The following DMD variants were observed in gnomAD, a reference collection of about 807,000 sequenced individuals.
DMD encodes the protein mutant dystrophin.
DMD carries 63 observed loss-of-function variants against 330.1 expected under a neutral mutation model. That is an observed-to-expected ratio of 0.19 (90% CI 0.16 to 0.24). The LOEUF (loss-of-function observed/expected upper bound fraction) is 0.24. DMD is among the 10% of genes least tolerant of loss of function. The pLI, the probability that DMD is intolerant of heterozygous loss-of-function variation, is 1.00. For missense variants in DMD, 3,344 were observed against 2,684.1 expected (o/e 1.25, Z -5.43); for synonymous variants, 1,223 against 959.8 (o/e 1.27, Z -5.07).
At chrX:31,524,214 T>C (rs1275542843) in intron 55 of DMD, among the ~76,000 whole-genome samples, 2 of 111,774 alleles carry the variant, frequency 1.8e-5, no homozygotes, top group Non-Finnish European at 3.8e-5. Flanking sequence ...GAGTGCCCCA[T>C]AATAATCTAG....
intron 55 of DMD, among the ~76,000 whole-genome samples, chrX:31,605,816 G>T (rs2077583338): frequency 8.9e-6 from 1 of 111,914 alleles, no homozygotes; most frequent in Non-Finnish European, 1.9e-5. Context: ...GAAGAGATTA[G>T]ATATTCTCTA....
In DMD at chrX:32,343,188, G is replaced by A; in HGVS notation, c.5685C>T (p.Asp1895=). 8.3e-7 allele frequency: 1 copy of A among 1,208,898 alleles called. No individual in the cohort carries two copies. The highest frequency in any genetic ancestry group is 1.1e-6 in the Non-Finnish European group (1 of 893,969). Residue 1895 remains aspartate (D), a synonymous_variant, in exon 40 of 79, where the codon GAC becomes GAT. Transcript: ENST00000357033. ...QADDLLKCLD[D]IEKKLASLPE... is the part of the protein sequence containing the mutation. ...GTAGGCTGGCTAATTTTTTTTCAAT[G>A]TCATCCAAGCATTTCAGGAGATCAT...
chrX:31,405,971 G>A (rs1018304548), intron 60 of DMD, among the ~76,000 whole-genome samples: 2 of 111,887 alleles, frequency 1.8e-5, no homozygotes, highest in Admixed American at 9.5e-5. Context: ...ATAGCTAGAC[G>A]TTGTCACAAA....
chrX:31,829,388 T>C (rs1320909579), intron 49 of DMD, among the ~76,000 whole-genome samples: 1 of 110,381 alleles, frequency 9.1e-6, no homozygotes, highest in Non-Finnish European at 1.9e-5. Context: ...TTATAAAAAA[T>C]AAGCAAAATA....
chrX:32,206,491 G>C, intron 44 of DMD: 1 of 569,022 alleles, frequency 1.8e-6, no homozygotes, highest in South Asian at 2.2e-5. Context: ...AATCGGAATG[G>C]AAAAGACTCA....
chrX:31,430,176 G>A (rs2063959356), intron 60 of DMD, among the ~76,000 whole-genome samples: 1 of 111,358 alleles, frequency 9.0e-6, no homozygotes, highest in African/African-American at 3.3e-5. Context: ...TATTCCCTTG[G>A]GTTGGGGCTT....
chrX:31,749,277 A>G (rs1316663887), intron 51 of DMD, among the ~76,000 whole-genome samples: 7 of 92,738 alleles, frequency 7.5e-5, no homozygotes, highest in African/African-American at 2.0e-4. Context: ...ATATCTCCCA[A>G]TGCCATCCCT....
intron 57 of DMD, among the ~76,000 whole-genome samples, chrX:31,496,227 G>T (rs773394569): frequency 9.0e-6 from 1 of 111,663 alleles, no homozygotes; most frequent in East Asian, 2.8e-4. Context: ...ACCAAAACCA[G>T]AAAAAGTTTA....
At chrX:32,846,322 A>G (rs2080662820) in intron 3 of DMD, among the ~76,000 whole-genome samples, 1 of 111,688 alleles carries the variant, frequency 9.0e-6, no homozygotes, top group Non-Finnish European at 1.9e-5. Flanking sequence ...CCAGTCTTGC[A>G]AATTTATTTC....
At chrX:32,230,417 T>C (rs2097165016) in intron 43 of DMD, among the ~76,000 whole-genome samples, 1 of 111,170 alleles carries the variant, frequency 9.0e-6, no homozygotes, top group Admixed American at 9.6e-5. Flanking sequence ...GCTAATTTTT[T>C]GTATTTTTTA....
rs1388324220 is a variant in DMD, at chrX:32,252,755, AATATATAAATATATATAAAT to A, written c.6290+34754_6290+34773del. On this transcript the variant is annotated intron_variant, in intron 43 of 78. Coordinates refer to ENST00000357033, the MANE Select transcript of DMD (RefSeq NM_004006.3). The stretch of plus-strand genomic sequence containing the variant: ...ATAAATATATATATAAATATATATA[AATATATAAATATATATAAAT>A]ATATATAAATATATATAAATATATA... Among the ~76,000 whole-genome samples the A allele has an allele frequency of 2.2e-3, 71 of 32,550 alleles. 2 individuals carry two copies. The highest frequency in any genetic ancestry group is 0.016 in the East Asian group (18 of 1,129). 28.3% of individuals were successfully genotyped at this position (32,550 alleles called of 115,157 possible). A position where few individuals can be genotyped will look rare whatever the true frequency, so the allele number is the denominator to read the frequency against.
At chrX:32,701,451 T>C (rs914984529) in intron 7 of DMD, among the ~76,000 whole-genome samples, 11 of 111,983 alleles carry the variant, frequency 9.8e-5, no homozygotes, top group African/African-American at 2.6e-4. Context: ...TTAATAATCT[T>C]ACAAACTTAG....
chrX:31,614,728 C>T, intron 55 of DMD, among the ~76,000 whole-genome samples: 1 of 111,893 alleles, frequency 8.9e-6, no homozygotes, highest in Non-Finnish European at 1.9e-5. Flanking sequence ...TGTGCAATAA[C>T]TTTTCTTTAA....
At chrX:31,562,799 T>G (rs1206427991) in intron 55 of DMD, among the ~76,000 whole-genome samples, 1 of 112,152 alleles carries the variant, frequency 8.9e-6, no homozygotes, top group Non-Finnish European at 1.9e-5. Flanking sequence ...TAACAAGGTA[T>G]ATTTTTTCCT....
intron 46 of DMD, among the ~76,000 whole-genome samples, chrX:31,930,452 T>C (rs2094839396): frequency 9.0e-6 from 1 of 111,083 alleles, no homozygotes; most frequent in South Asian, 3.8e-4. Flanking sequence ...CCACATAGTG[T>C]ATGCCCTTTC....
intron 53 of DMD, among the ~76,000 whole-genome samples, chrX:31,674,133 A>G (rs2081958013): frequency 8.9e-6 from 1 of 112,138 alleles, no homozygotes; most frequent in South Asian, 3.7e-4. Flanking sequence ...ACTCCAAAAA[A>G]TACACAAAAT....
intron 1 of DMD, among the ~76,000 whole-genome samples, chrX:33,262,978 T>C (rs2052983835): frequency 9.0e-6 from 1 of 110,516 alleles, no homozygotes; most frequent in South Asian, 3.8e-4. Flanking sequence ...AAATGAGATA[T>C]AATTTCATAC....
chrX:33,162,983 A>C (rs1175880601), intron 1 of DMD, among the ~76,000 whole-genome samples: 1 of 111,576 alleles, frequency 9.0e-6, no homozygotes, highest in Non-Finnish European at 1.9e-5. Flanking sequence ...TGACATTTTA[A>C]AATTCTCTAA....
At position 32,178,975 on chromosome X, in the gene DMD, T is replaced by C. The variant is rs866901907; in HGVS notation, c.6438+37941A>G. On this transcript the variant is annotated intron_variant, in intron 44 of 78. Coordinates refer to ENST00000357033, the MANE Select transcript of DMD (RefSeq NM_004006.3). ...CTCTCTCTCTCTCTCTCTCTCTCTC[T>C]CTCTCTCCCTCTCCTCCTGCTCCTC... Among the ~76,000 whole-genome samples, 105 of 97,671 alleles carry C rather than the reference T, an allele frequency of 1.1e-3. 1 individual carries two copies. Among genetic ancestry groups the C allele is most frequent in the Middle Eastern group, 5.3e-3 (1 of 188 alleles). The allele number at this position is 97,671 out of a possible 115,157, so 84.8% of individuals were successfully genotyped here. A position where few individuals can be genotyped will look rare whatever the true frequency, so the allele number is the denominator to read the frequency against.
Sources: gnomAD v4.1 joint callset for allele counts (sites outside exome capture counted in the v4.1 genomes callset) on GRCh38, gnomAD v4.1.1 for gene constraint, MANE v1.5 for transcripts, NCBI Gene and HGNC (gene_info 2026-07-23, HGNC 2026-07-21) for gene names.